The following BTBD2 variants were observed in gnomAD, a reference collection of about 807,000 sequenced individuals.
BTBD2 encodes BTB/POZ domain-containing protein 2.
In BTBD2, 15 loss-of-function variants were observed where a neutral mutation model predicts 44.0. The observed-to-expected ratio is 0.34, with a 90% CI of 0.23 to 0.53. BTBD2 has a LOEUF of 0.53. Ranked by LOEUF, BTBD2 falls within the 20% of genes least tolerant of loss-of-function variation. BTBD2 has a pLI of 0.95. For synonymous variants in BTBD2, 443 were observed against 335.9 expected (o/e 1.32, Z -3.49); for missense variants, 657 against 746.4 (o/e 0.88, Z 1.39).
At chr19:2,001,114 T>C (rs769806790) in intron 1 of BTBD2, among the ~76,000 whole-genome samples, 10 of 151,856 alleles carry the variant, frequency 6.6e-5, no homozygotes, top group Non-Finnish European at 1.3e-4. Context: ...TGAAACCCTG[T>C]CTCTATGAAA....
chr19:2,013,679 T>C (rs913172298), intron 1 of BTBD2: 37 of 983,444 alleles, frequency 3.8e-5, no homozygotes, highest in Non-Finnish European at 7.2e-6. Flanking sequence ...CTGTGGATGG[T>C]AGTCTATGAT....
chr19:1,999,685 G>A (rs934130707), intron 1 of BTBD2, among the ~76,000 whole-genome samples: 35 of 151,880 alleles, frequency 2.3e-4, no homozygotes, highest in African/African-American at 8.0e-4. Context: ...AAAAGGCCAG[G>A]TGCAGTGGCT....
chr19:2,005,111 C>A (rs1303210783), intron 1 of BTBD2, among the ~76,000 whole-genome samples: 1 of 152,142 alleles, frequency 6.6e-6, no homozygotes, highest in East Asian at 1.9e-4. Context: ...TGAGCCACTG[C>A]GCCCAGCCAG....
At chr19:1,992,264 T>G (rs140232563) in intron 3 of BTBD2, among the ~76,000 whole-genome samples, 112 of 152,118 alleles carry the variant, frequency 7.4e-4, no homozygotes, top group African/African-American at 2.5e-3. Flanking sequence ...GGCTAATTTA[T>G]GAAATATTTT....
At chr19:2,014,932 GGGGACAGAGAGGTGCAGAGGCA>G (rs1053771643) in intron 1 of BTBD2, among the ~76,000 whole-genome samples, 12 of 151,382 alleles carry the variant, frequency 7.9e-5, no homozygotes, top group Admixed American at 2.0e-4. Flanking sequence ...GGTGGGGTCT[GGGGACAGAGAGGTGCAGAGGCA>G]GGGACAGAGG....
chr19:1,997,499 T>C (rs763821154), intron 1 of BTBD2, 36 bp from the exon 2 acceptor site: 12 of 1,611,770 alleles, frequency 7.4e-6, no homozygotes, highest in Non-Finnish European at 1.0e-5. Context: ...GTTAAGCCCG[T>C]GGCCGCCACC....
At chr19:2,008,179 T>C (rs921552553) in intron 1 of BTBD2, among the ~76,000 whole-genome samples, 8 of 152,000 alleles carry the variant, frequency 5.3e-5, no homozygotes, top group African/African-American at 1.9e-4. Context: ...TAATTTTGTA[T>C]TTTTAGTAGA....
chr19:2,011,682 A>G (rs1443772029), intron 1 of BTBD2, among the ~76,000 whole-genome samples: 1 of 152,118 alleles, frequency 6.6e-6, no homozygotes, highest in East Asian at 1.9e-4. Context: ...TTTTCAATAA[A>G]GGCTGCCCCA....
At chr19:1,998,110 C>T (rs576966513) in intron 1 of BTBD2, among the ~76,000 whole-genome samples, 4 of 151,564 alleles carry the variant, frequency 2.6e-5, no homozygotes, top group South Asian at 2.1e-4. Context: ...CACACACATT[C>T]GTTCATTCCC....
In BTBD2 at chr19:1,987,484, G is replaced by A. The variant is rs759220605; in HGVS notation, c.1181+16C>T. The A allele has an allele frequency of 2.0e-6, 3 of 1,528,628 alleles. No individual in the cohort carries two copies. The highest frequency in any genetic ancestry group is 2.0e-5 in the Admixed American group (1 of 49,404). 94.7% of individuals were successfully genotyped at this position (1,528,628 alleles called of 1,614,324 possible). A position where few individuals can be genotyped will look rare whatever the true frequency, so the allele number is the denominator to read the frequency against. Reference sequence around the variant, plus strand: ...CCCCCATGTCCGGACCCCCCCGCCTGCACCCCAAGCCCCACCTGATGCGGT... The same window carrying A: ...CCCCCATGTCCGGACCCCCCCGCCTACACCCCAAGCCCCACCTGATGCGGT... On this transcript the variant is annotated intron_variant, in intron 6 of 8. Transcript: ENST00000255608.
At position 2,010,069 on chromosome 19, in the gene BTBD2, A is replaced by G. The variant is rs966017561; in HGVS notation, c.407+5228T>C. On this transcript the variant is annotated intron_variant, in intron 1 of 8. Transcript: ENST00000255608. ...CGGGAGGCTGAGGCAGGAGAATGGC[A>G]TGAACCTGGGAGGCGGAGCTTGCAG... Among the ~76,000 whole-genome samples the G allele has an allele frequency of 8.6e-5, 13 of 151,518 alleles. No homozygotes were observed. In the South Asian group the frequency reaches 1.5e-3, roughly 17 times the overall value.
intron 1 of BTBD2, among the ~76,000 whole-genome samples, chr19:1,999,186 G>A (rs1027123130): frequency 1.3e-5 from 2 of 152,162 alleles, no homozygotes; most frequent in African/African-American, 4.8e-5. Context: ...CCCAGGGCTT[G>A]ACTGCACCCC....
At chr19:1,992,635 G>T (rs1038792896) in intron 3 of BTBD2, among the ~76,000 whole-genome samples, 3 of 151,704 alleles carry the variant, frequency 2.0e-5, no homozygotes, top group Non-Finnish European at 4.4e-5. Flanking sequence ...GCAGTGGTGC[G>T]ATCTCGGCTC....
In BTBD2 at chr19:1,990,019, C is replaced by T. The variant is rs754524982; in HGVS notation, c.973G>A (p.Glu325Lys). The T allele has an allele frequency of 8.7e-6, 14 of 1,613,262 alleles. No individual in the cohort carries two copies. The highest frequency in any genetic ancestry group is 2.7e-5 in the African/African-American group (2 of 74,938). The change falls in exon 5 of 9, where the codon GAG becomes AAG. Residue 325 changes from glutamate (E) to lysine (K), a missense_variant. Around this residue, in one of 3 missense-constraint regions of BTBD2, gnomAD observed 449 missense variants for 510.9 expected, o/e 0.88. Coordinates refer to ENST00000255608, the MANE Select transcript of BTBD2 (RefSeq NM_017797.4). ...GLIRFPLMTIEEFAAGPAQSG... is the reference protein window; with the variant it reads ...GLIRFPLMTIKEFAAGPAQSG... ...GCTCTGTTACCTGCAGCGAACTCCT[C>T]GATGGTCATGAGCGGGAAGCGAATG...
Position 1,987,083 on chromosome 19 carries a change from C to T in BTBD2, c.1269+83G>A, listed in dbSNP as rs1044638798. 50 of 1,594,146 alleles carry T rather than the reference C, an allele frequency of 3.1e-5. 1 individual carries two copies. The highest frequency in any genetic ancestry group is 1.9e-4 in the South Asian group (17 of 90,170). ...GTGGGGGCAGCACAGGGACCAGGGC[C>T]GGGGGTTCAGCCAGGGTTCCATGGA... On this transcript the variant is annotated intron_variant, in intron 7 of 8. Coordinates refer to ENST00000255608, the MANE Select transcript of BTBD2 (RefSeq NM_017797.4).
Position 2,015,547 on chromosome 19 carries a change from C to CGGCGTCGGCCCAGG in BTBD2, c.156_157insCCTGGGCCGACGCC (p.Ala53ProfsTer143), listed in dbSNP as rs2016524510. On this transcript the variant is annotated frameshift_variant, in exon 1 of 9. Transcript: ENST00000255608. LOFTEE classifies it high-confidence loss of function. ...GCGGGCGGCGTCGGCCCAGGGGCGG[C>CGGCGTCGGCCCAGG]GGCGGCGGCGGCGGCGGCGGCGGCG... The CGGCGTCGGCCCAGG allele has an allele frequency of 7.0e-6, 2 of 285,600 alleles. No individual in the cohort carries two copies. Among genetic ancestry groups the CGGCGTCGGCCCAGG allele is most frequent in the African/African-American group, 3.3e-4 (2 of 5,980 alleles). The allele number at this position is 285,600 out of a possible 1,614,324, so 17.7% of individuals were successfully genotyped here.
chr19:1,998,764 A>G (rs966055610), intron 1 of BTBD2, among the ~76,000 whole-genome samples: 6 of 152,128 alleles, frequency 3.9e-5, no homozygotes, highest in Admixed American at 3.9e-4. Flanking sequence ...GAGCACACAC[A>G]GCATAGGGGG....
chr19:1,987,614 C>A lies in BTBD2; in HGVS notation c.1067G>T (p.Arg356Leu), dbSNP rs371783527. The change falls in exon 6 of 9, where the codon CGA becomes CTA. Residue 356 changes from arginine (R) to leucine (L), a missense_variant. By Grantham distance (102) the Arg-to-Leu change is moderately radical. This residue lies in a region of BTBD2 where 449 missense variants were observed against 510.9 expected (regional missense o/e 0.88). Coordinates refer to ENST00000255608, the MANE Select transcript of BTBD2 (RefSeq NM_017797.4). ...FLHFTVNPKP[R>L]VEFIDRPRCC... ...GCGGGGCCGGTCAATGAACTCCACTCGTGGCTTGGGGTTGACGGTGAAGTG... is the reference window on the plus strand; with the variant it reads ...GCGGGGCCGGTCAATGAACTCCACTAGTGGCTTGGGGTTGACGGTGAAGTG... 6.2e-7 allele frequency: 1 copy of A among 1,612,616 alleles called. No individual in the cohort carries two copies. The highest frequency in any genetic ancestry group is 8.5e-7 in the Non-Finnish European group (1 of 1,179,746).
intron 1 of BTBD2, among the ~76,000 whole-genome samples, chr19:2,001,470 C>G (rs1209464874): frequency 6.6e-6 from 1 of 152,152 alleles, no homozygotes. Flanking sequence ...GCACCCTGGG[C>G]TACAAGCCTG....
Sources: gnomAD v4.1 joint callset for allele counts (sites outside exome capture counted in the v4.1 genomes callset) on GRCh38, gnomAD v4.1.1 for gene constraint, gnomAD v4.1.1 regional missense constraint, MANE v1.5 for transcripts, NCBI Gene and HGNC (gene_info 2026-07-23, HGNC 2026-07-21) for gene names.